GMDS: variants seen among roughly 807,000 people sequenced by gnomAD.
GMDS encodes the protein GDP-mannose 4,6-dehydratase.
Under a neutral mutation model 49.9 loss-of-function variants are expected in GMDS, and 20 were observed. That is an observed-to-expected ratio of 0.40 (90% CI 0.28 to 0.58). The LOEUF (loss-of-function observed/expected upper bound fraction) is 0.58, where lower values mean the gene tolerates loss of function less well. Among genes scored for constraint, GMDS ranks in the 20% least tolerant of loss-of-function variants. GMDS has a pLI of 0.42. For synonymous variants in GMDS, 177 were observed against 178.6 expected (o/e 0.99, Z 0.07); for missense variants, 362 against 481.4 (o/e 0.75, Z 2.32).
chr6:2,137,079 A>G (rs1006047724), intron 1 of GMDS, among the ~76,000 whole-genome samples: 2 of 152,192 alleles, frequency 1.3e-5, no homozygotes, highest in East Asian at 3.8e-4. Flanking sequence ...CTCTAAATTT[A>G]TCAGTATCAA....
At chr6:1,777,574 G>T (rs193210747) in intron 7 of GMDS, among the ~76,000 whole-genome samples, 30 of 152,180 alleles carry the variant, frequency 2.0e-4, no homozygotes, top group Non-Finnish European at 2.9e-5. Context: ...AGAGTTTCCC[G>T]AGATTGTAAT....
intron 9 of GMDS, among the ~76,000 whole-genome samples, chr6:1,725,932 A>T (rs1766565799): frequency 6.6e-6 from 1 of 152,238 alleles, no homozygotes; most frequent in Admixed American, 6.5e-5. Context: ...CTACATGGAC[A>T]GGGTGGTCCC....
At chr6:1,768,252 A>C (rs1441097004) in intron 7 of GMDS, among the ~76,000 whole-genome samples, 1 of 152,242 alleles carries the variant, frequency 6.6e-6, no homozygotes, top group African/African-American at 2.4e-5. Context: ...AATGTCATAG[A>C]GACATGCTTT....
At chr6:2,227,970 G>A (rs1337731556) in intron 1 of GMDS, among the ~76,000 whole-genome samples, 1 of 152,218 alleles carries the variant, frequency 6.6e-6, no homozygotes, top group African/African-American at 2.4e-5. Context: ...CCCTTTCTCG[G>A]CACGTGGCCC....
intron 1 of GMDS, among the ~76,000 whole-genome samples, chr6:2,142,136 C>G (rs1275679101): frequency 6.6e-6 from 1 of 152,140 alleles, no homozygotes; most frequent in Admixed American, 6.5e-5. Context: ...AAGCCAGTTT[C>G]AATTTTACGT....
chr6:1,757,856 A>G (rs1279740233), intron 7 of GMDS, among the ~76,000 whole-genome samples: 1 of 152,280 alleles, frequency 6.6e-6, no homozygotes, highest in East Asian at 1.9e-4. Context: ...TTGAAAAAGT[A>G]AAAAGAAAAG....
chr6:2,163,436 TGA>T (rs374186618), intron 1 of GMDS, among the ~76,000 whole-genome samples: 15 of 150,684 alleles, frequency 1.0e-4, no homozygotes, highest in South Asian at 4.2e-4. Flanking sequence ...TGTGTGTGTG[TGA>T]GAGAGAGAGA....
At chr6:1,851,540 C>G (rs1200807978) in intron 7 of GMDS, among the ~76,000 whole-genome samples, 2 of 152,064 alleles carry the variant, frequency 1.3e-5, no homozygotes, top group African/African-American at 2.4e-5. Flanking sequence ...AACACACATA[C>G]TGTATAGCAG....
chr6:1,739,117 C>T (rs913637954), intron 8 of GMDS, among the ~76,000 whole-genome samples: 4 of 152,212 alleles, frequency 2.6e-5, no homozygotes, highest in Non-Finnish European at 5.9e-5. Flanking sequence ...GGTCTGTGTT[C>T]ACTGCAAATA....
intron 9 of GMDS, among the ~76,000 whole-genome samples, chr6:1,698,788 T>C (rs1468364795): frequency 1.5e-4 from 1 of 6,520 alleles, no homozygotes; most frequent in African/African-American, 2.6e-4. Flanking sequence ...CTGGTTTCCC[T>C]TTTTTTTTTT....
At chr6:2,124,391 C>T (rs181931131) in intron 2 of GMDS, among the ~76,000 whole-genome samples, 1 of 152,122 alleles carries the variant, frequency 6.6e-6, no homozygotes, top group Admixed American at 6.6e-5. Context: ...ATAAATTAAC[C>T]CGAATCATGT....
chr6:1,760,047 G>A (rs749137682), intron 7 of GMDS, among the ~76,000 whole-genome samples: 7 of 152,170 alleles, frequency 4.6e-5, no homozygotes, highest in Non-Finnish European at 8.8e-5. Context: ...GACTGTCACC[G>A]GGGCGGAGCC....
chr6:1,716,158 T>G (rs58720499), intron 9 of GMDS, among the ~76,000 whole-genome samples: 3,844 of 152,328 alleles, frequency 0.025, 171 homozygotes, highest in African/African-American at 0.089. Context: ...AAAAAAAGAT[T>G]AAAAACATCT....
intron 7 of GMDS, among the ~76,000 whole-genome samples, chr6:1,806,363 TA>T (rs993138648): frequency 1.2e-4 from 19 of 152,198 alleles, no homozygotes; most frequent in African/African-American, 4.3e-4. Context: ...GCTGTCAATG[TA>T]ATTCAAATCA....
At chr6:1,944,700 C>T (rs1055370954) in intron 6 of GMDS, among the ~76,000 whole-genome samples, 24 of 148,716 alleles carry the variant, frequency 1.6e-4, no homozygotes, top group Non-Finnish European at 2.7e-4. Flanking sequence ...AAAAATTTCA[C>T]GTTCGAAGTA....
chr6:1,743,364 AC>A (rs1337945522), intron 7 of GMDS, among the ~76,000 whole-genome samples: 1 of 147,104 alleles, frequency 6.8e-6, no homozygotes, highest in African/African-American at 2.5e-5. Context: ...CCACGGGGAA[AC>A]CCCGTCTCTA....
chr6:1,634,273 T>G (rs1188823963), intron 9 of GMDS, among the ~76,000 whole-genome samples: 1 of 152,144 alleles, frequency 6.6e-6, no homozygotes, highest in Admixed American at 6.5e-5. Context: ...GGGTGTGCTG[T>G]GATAGGGCTG....
At chr6:1,739,397 C>T (rs1392470801) in intron 8 of GMDS, among the ~76,000 whole-genome samples, 5 of 152,226 alleles carry the variant, frequency 3.3e-5, no homozygotes, top group Admixed American at 6.5e-5. Context: ...CTGCGTGCCG[C>T]GGTGAGCATG....
intron 1 of GMDS, among the ~76,000 whole-genome samples, chr6:2,186,666 A>G (rs958681399): frequency 1.3e-5 from 2 of 152,082 alleles, no homozygotes; most frequent in Non-Finnish European, 2.9e-5. Flanking sequence ...TAATTTAGAG[A>G]AAAAAAATCC....
Sources: allele counts gnomAD v4.1 joint callset (sites outside exome capture counted in the v4.1 genomes callset), GRCh38; gene constraint gnomAD v4.1.1; transcripts MANE v1.5; gene names NCBI Gene and HGNC (gene_info 2026-07-23, HGNC 2026-07-21).